DGKI: variants seen among roughly 807,000 people sequenced by gnomAD.
DGKI encodes the protein DAG kinase iota.
DGKI carries 55 observed loss-of-function variants against 147.5 expected under a neutral mutation model. That is an observed-to-expected ratio of 0.37 (90% CI 0.30 to 0.47). The LOEUF is 0.47. Among genes scored for constraint, DGKI ranks in the 20% least tolerant of loss-of-function variants. The probability of loss-of-function intolerance (pLI) is 1.00; values close to 1 mark genes in which losing one functional copy is unlikely to be tolerated. For missense variants in DGKI, 1,007 were observed against 1,323.8 expected (o/e 0.76, Z 3.71); for synonymous variants, 469 against 477.1 (o/e 0.98, Z 0.22).
At chr7:137,460,089 G>A (rs58342329) in intron 27 of DGKI, among the ~76,000 whole-genome samples, 17,605 of 152,120 alleles carry the variant, frequency 0.12, 2,121 homozygotes, top group African/African-American at 0.31. Context: ...CTGTCAACAG[G>A]ATGCTAAATT....
chr7:137,768,367 G>C (rs1320853021), intron 1 of DGKI, among the ~76,000 whole-genome samples: 1 of 152,170 alleles, frequency 6.6e-6, no homozygotes, highest in Admixed American at 6.5e-5. Context: ...ACTCAATAGT[G>C]GGGAGGGAGT....
In DGKI at chr7:137,495,601, C is replaced by T. The variant is rs540939766; in HGVS notation, c.2249-7912G>A. Among the ~76,000 whole-genome samples, 91 of 151,144 alleles carry T rather than the reference C, an allele frequency of 6.0e-4. No individual in the cohort carries two copies. In the South Asian group the frequency reaches 0.018, roughly 30 times the overall value. On this transcript the variant is annotated intron_variant, in intron 21 of 32. Transcript: ENST00000614521. The stretch of plus-strand genomic sequence containing the variant: ...CCAAATCCAGCAACACATCAGAAAG[C>T]TAATCTACCATGGTCAAGTAGGCTT...
chr7:137,838,188 A>G (rs142477121), intron 1 of DGKI, among the ~76,000 whole-genome samples: 98 of 152,004 alleles, frequency 6.4e-4, no homozygotes, highest in African/African-American at 2.2e-3. Context: ...GTATTTTAGT[A>G]AAGACGGGGT....
intron 1 of DGKI, among the ~76,000 whole-genome samples, chr7:137,783,697 A>G (rs1185550430): frequency 6.6e-6 from 1 of 152,236 alleles, no homozygotes; most frequent in Non-Finnish European, 1.5e-5. Flanking sequence ...AAGTCCAGAC[A>G]AAGGAAAGAG....
At chr7:137,573,748 T>G (rs1268170974) in intron 17 of DGKI, among the ~76,000 whole-genome samples, 8 of 152,226 alleles carry the variant, frequency 5.3e-5, no homozygotes, top group Non-Finnish European at 1.5e-5. Context: ...TCCTGGAATT[T>G]AGACCTGGGA....
intron 27 of DGKI, 111 bp downstream of exon 27, chr7:137,463,378 G>C (rs1196375350): frequency 1.9e-5 from 28 of 1,459,610 alleles, no homozygotes; most frequent in Non-Finnish European, 2.4e-5. Flanking sequence ...GCATGAGACA[G>C]CCTGAGCGCC....
chr7:137,440,205 T>C (rs747906923), intron 28 of DGKI, among the ~76,000 whole-genome samples: 1 of 152,208 alleles, frequency 6.6e-6, no homozygotes, highest in South Asian at 2.1e-4. Flanking sequence ...GCCAAGCTTA[T>C]CTTCTAACAA....
intron 15 of DGKI, among the ~76,000 whole-genome samples, chr7:137,580,168 T>C (rs888586625): frequency 9.9e-5 from 15 of 152,134 alleles, no homozygotes; most frequent in African/African-American, 3.6e-4. Context: ...TTTTTGGAAA[T>C]CCATGTATTT....
At chr7:137,599,756 T>A (rs1819921581) in intron 11 of DGKI, 67 bp downstream of exon 11, 1 of 1,413,154 alleles carries the variant, frequency 7.1e-7, no homozygotes, top group Non-Finnish European at 1.0e-6. Flanking sequence ...GGTAATCAGA[T>A]AATGAAGCAG....
chr7:137,440,991 G>A (rs751091169), intron 28 of DGKI, among the ~76,000 whole-genome samples: 15 of 152,164 alleles, frequency 9.9e-5, no homozygotes, highest in Admixed American at 6.5e-4. Flanking sequence ...TGAAAAAAAC[G>A]GTTATTCTCT....
At chr7:137,581,465 G>GT (rs1180908530) in intron 15 of DGKI, among the ~76,000 whole-genome samples, 7 of 152,092 alleles carry the variant, frequency 4.6e-5, no homozygotes, top group Non-Finnish European at 8.8e-5. Context: ...CTTTAATAGT[G>GT]TTTTGTGAAG....
intron 18 of DGKI, among the ~76,000 whole-genome samples, chr7:137,572,511 C>T (rs1199098258): frequency 2.6e-5 from 4 of 152,094 alleles, no homozygotes; most frequent in African/African-American, 9.7e-5. Context: ...ATGTTCCAGT[C>T]AAGAGGGGTG....
chr7:137,473,381 C>G lies in DGKI; in HGVS notation c.2374-3762G>C, dbSNP rs993278039. Among the ~76,000 whole-genome samples, 22 of 152,080 alleles carry G rather than the reference C, an allele frequency of 1.4e-4. 1 individual carries two copies. Among genetic ancestry groups the G allele is most frequent in the Admixed American group, 1.3e-3 (20 of 15,272 alleles). On this transcript the variant is annotated intron_variant, in intron 23 of 32. Transcript: ENST00000614521. ...TTAATGGGTCCTCAAATAGGTTCAACAATTCTTGAACTCTCCAAAATTGTA... is the reference window on the plus strand; with the variant it reads ...TTAATGGGTCCTCAAATAGGTTCAAGAATTCTTGAACTCTCCAAAATTGTA...
intron 1 of DGKI, among the ~76,000 whole-genome samples, chr7:137,798,697 G>A (rs1211376261): frequency 6.6e-6 from 1 of 152,114 alleles, no homozygotes; most frequent in Non-Finnish European, 1.5e-5. Context: ...TGTGATTACA[G>A]GCATGAGCCA....
At chr7:137,776,571 G>T (rs1436084918) in intron 1 of DGKI, among the ~76,000 whole-genome samples, 2 of 152,210 alleles carry the variant, frequency 1.3e-5, no homozygotes. Context: ...GTTAAGTGTG[G>T]TTACCTCTGA....
chr7:137,461,586 CA>C (rs1814444494), intron 27 of DGKI, among the ~76,000 whole-genome samples: 4 of 152,114 alleles, frequency 2.6e-5, no homozygotes, highest in Admixed American at 2.6e-4. Context: ...TGATTTAACA[CA>C]ACAATTTTAT....
intron 19 of DGKI, among the ~76,000 whole-genome samples, chr7:137,568,144 A>G (rs549060521): frequency 1.3e-5 from 2 of 152,248 alleles, no homozygotes; most frequent in Admixed American, 6.5e-5. Flanking sequence ...GCTGTGATGC[A>G]CTCTATGATC....
At chr7:137,533,809 T>TG (rs1486688242) in intron 20 of DGKI, among the ~76,000 whole-genome samples, 1 of 152,172 alleles carries the variant, frequency 6.6e-6, no homozygotes, top group Non-Finnish European at 1.5e-5. Context: ...TTTATTTATC[T>TG]TTTTTCTTAA....
At chr7:137,762,142 C>A (rs1379248892) in intron 1 of DGKI, among the ~76,000 whole-genome samples, 1 of 152,248 alleles carries the variant, frequency 6.6e-6, no homozygotes, top group Non-Finnish European at 1.5e-5. Context: ...GAACAGCCCA[C>A]TTTAATGCCA....
Sources: gnomAD v4.1 joint callset for allele counts (sites outside exome capture counted in the v4.1 genomes callset) on GRCh38, gnomAD v4.1.1 for gene constraint, MANE v1.5 for transcripts, NCBI Gene and HGNC (gene_info 2026-07-23, HGNC 2026-07-21) for gene names.